KLHDC4: variants seen among roughly 807,000 people sequenced by gnomAD.
KLHDC4 encodes kelch domain containing 4.
Under a neutral mutation model 62.4 loss-of-function variants are expected in KLHDC4, and 90 were observed. The observed-to-expected ratio is 1.44, with a 90% CI of 1.22 to 1.72. The LOEUF (loss-of-function observed/expected upper bound fraction) is 1.72. Among genes scored for constraint, KLHDC4 ranks in the 40% most tolerant of loss-of-function variants. The pLI, the probability that KLHDC4 is intolerant of heterozygous loss-of-function variation, is 0.00. For missense variants in KLHDC4, 1,025 were observed against 699.7 expected (o/e 1.47, Z -5.25); for synonymous variants, 386 against 284.4 (o/e 1.36, Z -3.59).
chr16:87,729,609 C>A (rs948319531), intron 6 of KLHDC4, among the ~76,000 whole-genome samples: 1 of 152,230 alleles, frequency 6.6e-6, no homozygotes, highest in Non-Finnish European at 1.5e-5. Flanking sequence ...GAGCAGATAA[C>A]AGGCCTAAAA....
At chr16:87,739,111 CCTCATCCATCCACACACCA>C (rs2041844485) in intron 5 of KLHDC4, among the ~76,000 whole-genome samples, 1 of 44,806 alleles carries the variant, frequency 2.2e-5, no homozygotes, top group Non-Finnish European at 4.2e-5. Flanking sequence ...CACACCAGCA[CCTCATCCATCCACACACCA>C]GCACCTCATC....
intron 7 of KLHDC4, among the ~76,000 whole-genome samples, chr16:87,717,456 G>T (rs117828740): frequency 1.3e-5 from 2 of 152,208 alleles, no homozygotes; most frequent in Non-Finnish European, 2.9e-5. Flanking sequence ...TTTCCACCTG[G>T]GCCTGAGTGT....
chr16:87,706,834 G>T (rs1191533696), downstream of KLHDC4, among the ~76,000 whole-genome samples: 1 of 152,168 alleles, frequency 6.6e-6, no homozygotes, highest in African/African-American at 2.4e-5. Context: ...GGTTTTCCTG[G>T]GCCCACCTGG....
chr16:87,762,133 G>C (rs776569273), intron 1 of KLHDC4, 93 bp from the exon 2 acceptor site: 9 of 1,562,326 alleles, frequency 5.8e-6, no homozygotes, highest in African/African-American at 5.5e-5. Context: ...AGTGTGATTC[G>C]ACTGGGCTCA....
intron 1 of KLHDC4, chr16:87,765,370 G>A (rs559708714): frequency 8.6e-5 from 40 of 464,600 alleles, no homozygotes; most frequent in South Asian, 5.6e-4. Flanking sequence ...GTTCAGAAAA[G>A]TTAAGAGTCT....
chr16:87,748,609 C>G, intron 5 of KLHDC4, 64 bp downstream of exon 5: 1 of 1,597,782 alleles, frequency 6.3e-7, no homozygotes, highest in Non-Finnish European at 8.5e-7. Flanking sequence ...TCCGAGCACT[C>G]GGGCTCAGCA....
chr16:87,752,453 C>T (rs2044160085), intron 4 of KLHDC4, among the ~76,000 whole-genome samples: 1 of 151,848 alleles, frequency 6.6e-6, no homozygotes, highest in East Asian at 2.0e-4. Context: ...TCTCCTGCCT[C>T]AGCCTCCTGA....
At position 87,748,701 on chromosome 16, in the gene KLHDC4, A is replaced by G. The variant is rs2043421990; in HGVS notation, c.478T>C (p.Leu160=). ...ACTTGTTCCCAGGTCTTGGTGGCCA[A>G]ATGCAGGACCCAGAGATCCTTGTAG... is the stretch of plus-strand genomic sequence containing the variant. The part of the protein sequence containing the change: ...YHYKDLWVLH[L]ATKTWEQVKS... The change falls in exon 5 of 12, where the codon TTG becomes CTG. Residue 160 remains leucine (L), a synonymous_variant. Transcript: ENST00000270583. The G allele has an allele frequency of 6.2e-7, 1 of 1,613,486 alleles. No individual in the cohort carries two copies. Among genetic ancestry groups the G allele is most frequent in the South Asian group, 1.1e-5 (1 of 90,996 alleles).
intron 1 of KLHDC4, 177 bp from the exon 2 acceptor site, chr16:87,762,217 C>T (rs964114133): frequency 3.7e-6 from 5 of 1,351,296 alleles, no homozygotes; most frequent in African/African-American, 1.5e-5. Context: ...GTAACCAGAG[C>T]TTGACCTCAA....
At chr16:87,741,145 C>T (rs1201865594) in intron 5 of KLHDC4, among the ~76,000 whole-genome samples, 1 of 152,204 alleles carries the variant, frequency 6.6e-6, no homozygotes, top group East Asian at 1.9e-4. Context: ...CACATGATGT[C>T]CTGTCTGTTG....
intron 5 of KLHDC4, 67 bp from the exon 6 acceptor site, chr16:87,730,711 C>T (rs2040195735): frequency 2.1e-6 from 3 of 1,396,332 alleles, no homozygotes; most frequent in Admixed American, 2.1e-5. Flanking sequence ...AAGACGACAA[C>T]AACAAACAAA....
chr16:87,748,721 T>C lies in KLHDC4; in HGVS notation c.458A>G (p.Lys153Arg), dbSNP rs778984427. ...SPNGEQFYHYKDLWVLHLATK... is the reference protein window; with the variant it reads ...SPNGEQFYHYRDLWVLHLATK... ...GGCCAAATGCAGGACCCAGAGATCC[T>C]TGTAGTGGTAGAACTGCTCTCCGTT... Residue 153 changes from lysine (K) to arginine (R), a missense_variant, in exon 5 of 12, where the codon AAG becomes AGG. Lys to Arg is a conservative substitution (Grantham distance 26). Coordinates refer to ENST00000270583, the MANE Select transcript of KLHDC4 (RefSeq NM_017566.4). 6 of 1,613,448 alleles carry C rather than the reference T, an allele frequency of 3.7e-6. No homozygotes were observed. Among genetic ancestry groups the C allele is most frequent in the African/African-American group, 2.7e-5 (2 of 74,708 alleles).
chr16:87,706,222 C>G (rs867568066), downstream of KLHDC4, among the ~76,000 whole-genome samples: 5 of 6,582 alleles, frequency 7.6e-4, no homozygotes, highest in African/African-American at 2.4e-3. Context: ...CTGCAGCCCT[C>G]GGGGGGGGGT....
At chr16:87,725,796 C>A (rs1175671312) in intron 7 of KLHDC4, among the ~76,000 whole-genome samples, 2 of 152,198 alleles carry the variant, frequency 1.3e-5, no homozygotes, top group Non-Finnish European at 2.9e-5. Context: ...AGAGCACACG[C>A]CCCAAGAGCA....
At chr16:87,705,172 C>A (rs2034516216), downstream of KLHDC4, among the ~76,000 whole-genome samples, 3 of 152,190 alleles carry the variant, frequency 2.0e-5, no homozygotes, top group Admixed American at 1.3e-4. Flanking sequence ...TACGGCGTGT[C>A]CCAGCCGCGC....
chr16:87,737,609 A>C (rs1230453166), intron 5 of KLHDC4, among the ~76,000 whole-genome samples: 2 of 107,670 alleles, frequency 1.9e-5, no homozygotes, highest in South Asian at 6.0e-4. Context: ...TTTTTTTTTG[A>C]GACAGTCTCG....
At chr16:87,712,622 C>T (rs902501534) in intron 8 of KLHDC4, among the ~76,000 whole-genome samples, 5 of 152,262 alleles carry the variant, frequency 3.3e-5, no homozygotes, top group East Asian at 1.9e-4. Context: ...TGAAAGAAGG[C>T]GTCTGTCCTA....
intron 2 of KLHDC4, among the ~76,000 whole-genome samples, chr16:87,758,086 T>C (rs141233381): frequency 5.9e-5 from 9 of 152,310 alleles, no homozygotes; most frequent in East Asian, 5.8e-4. Context: ...CAAGGTCAAG[T>C]GAGTTTGGGA....
chr16:87,711,615 C>T (rs1203955081), intron 8 of KLHDC4, among the ~76,000 whole-genome samples, 172 bp from the exon 9 acceptor site: 1 of 152,216 alleles, frequency 6.6e-6, no homozygotes, highest in East Asian at 1.9e-4. Flanking sequence ...ATTCAACTCC[C>T]CTCGAGTTCC....
Sources: gnomAD v4.1 joint callset for allele counts (sites outside exome capture counted in the v4.1 genomes callset) on GRCh38, gnomAD v4.1.1 for gene constraint, MANE v1.5 for transcripts, NCBI Gene and HGNC (gene_info 2026-07-23, HGNC 2026-07-21) for gene names.